Variants in VWC2 observed in about 807,000 individuals in gnomAD.
VWC2 encodes von Willebrand factor C domain containing 2.
VWC2 carries 14 observed loss-of-function variants against 29.8 expected under a neutral mutation model. The ratio of observed to expected loss-of-function variants is 0.47; its 90% CI spans 0.31 to 0.74. VWC2 has a LOEUF of 0.74. Among genes scored for constraint, VWC2 ranks in the 30% least tolerant of loss-of-function variants. The pLI, the probability that VWC2 is intolerant of heterozygous loss-of-function variation, is 0.05. For missense variants in VWC2, 457 were observed against 459.8 expected (o/e 0.99, Z 0.05); for synonymous variants, 213 against 199.0 (o/e 1.07, Z -0.59).
At chr7:49,907,453 A>C (rs1439122294) in intron 3 of VWC2, among the ~76,000 whole-genome samples, 1 of 152,192 alleles carries the variant, frequency 6.6e-6, no homozygotes, top group Non-Finnish European at 1.5e-5. Flanking sequence ...ATTACATAAC[A>C]GTAGGATAAA....
At chr7:49,797,879 T>C (rs1385132478) in intron 2 of VWC2, among the ~76,000 whole-genome samples, 1 of 152,202 alleles carries the variant, frequency 6.6e-6, no homozygotes. Flanking sequence ...ATTCTATCCA[T>C]GCAAAACTTG....
intron 3 of VWC2, among the ~76,000 whole-genome samples, chr7:49,821,664 G>GA (rs34206159): frequency 1.2e-3 from 167 of 138,344 alleles, no homozygotes; most frequent in African/African-American, 1.5e-3. Context: ...ATTCTTGGAT[G>GA]AAAAAAAAAA....
At chr7:49,774,469 G>A (rs529682117) in intron 1 of VWC2, among the ~76,000 whole-genome samples, 1 of 152,358 alleles carries the variant, frequency 6.6e-6, no homozygotes, top group South Asian at 2.1e-4. Flanking sequence ...CAGAAACTTT[G>A]GAATCCAGAA....
At position 49,914,480 on chromosome 7, in the gene VWC2, C is replaced by T. The variant is rs1449396135; in HGVS notation, c.*2295C>T. On this transcript the variant is annotated 3_prime_UTR_variant, in exon 4 of 4. Coordinates refer to ENST00000340652, the MANE Select transcript of VWC2 (RefSeq NM_198570.5). ...TAAAGCTCAATGGCTGTTATTACAC[C>T]AAAGTAACTCCCCTCCCCATCTCTG... 1 of 152,168 alleles carries T rather than the reference C, an allele frequency of 6.6e-6. No individual in the cohort carries two copies. The highest frequency in any genetic ancestry group is 6.5e-5 in the Admixed American group (1 of 15,278). The allele number at this position is 152,168 out of a possible 1,614,324, so 9.4% of individuals were successfully genotyped here. A position where few individuals can be genotyped will look rare whatever the true frequency, so the allele number is the denominator to read the frequency against.
At chr7:49,870,374 T>C (rs1380929607) in intron 3 of VWC2, among the ~76,000 whole-genome samples, 1 of 152,196 alleles carries the variant, frequency 6.6e-6, no homozygotes, top group Non-Finnish European at 1.5e-5. Flanking sequence ...CACTCCACCC[T>C]GGGTGACGCA....
rs139653846 is a variant in VWC2, at chr7:49,839,385, G to A, written c.826+36545G>A. Among the ~76,000 whole-genome samples, 349 of 152,244 alleles carry A rather than the reference G, an allele frequency of 2.3e-3. 2 individuals carry two copies. Among genetic ancestry groups the A allele is most frequent in the African/African-American group, 7.9e-3 (327 of 41,548 alleles). On this transcript the variant is annotated intron_variant, in intron 3 of 3. Transcript: ENST00000340652. ...GTGATGTCATTTAATTTATATGCTC[G>A]TTTAAAACATGCTCTAATGCCATCA... is the stretch of plus-strand genomic sequence containing the variant.
chr7:49,784,258 A>G (rs530605021), intron 2 of VWC2, among the ~76,000 whole-genome samples: 1 of 152,316 alleles, frequency 6.6e-6, no homozygotes, highest in South Asian at 2.1e-4. Context: ...CCATTACATA[A>G]TCTCTCATTA....
At chr7:49,861,148 A>T (rs1175622866) in intron 3 of VWC2, among the ~76,000 whole-genome samples, 1 of 152,148 alleles carries the variant, frequency 6.6e-6, no homozygotes, top group Non-Finnish European at 1.5e-5. Flanking sequence ...ATTTCTCCAC[A>T]TCCTCACCAA....
rs71839157 is a variant in VWC2, at chr7:49,782,872, GA to G, written c.696+6749del. ...CCATCTTAAAAAACAGAAAAGAAAA[GA>G]AAAAAAAGTGGATAGTATTCTGCAT... On this transcript the variant is annotated intron_variant, in intron 2 of 3. Coordinates refer to ENST00000340652, the MANE Select transcript of VWC2 (RefSeq NM_198570.5). Among the ~76,000 whole-genome samples the G allele has an allele frequency of 6.8e-3, 1,024 of 151,518 alleles. 11 individuals carry two copies. Among genetic ancestry groups the G allele is most frequent in the African/African-American group, 0.022 (922 of 41,342 alleles).
At chr7:49,797,382 C>CT (rs1432952899) in intron 2 of VWC2, among the ~76,000 whole-genome samples, 3 of 152,200 alleles carry the variant, frequency 2.0e-5, no homozygotes, top group Non-Finnish European at 4.4e-5. Flanking sequence ...CCTGGAATTA[C>CT]TCTCTAGCCT....
At chr7:49,797,293 C>A (rs1788614046) in intron 2 of VWC2, among the ~76,000 whole-genome samples, 1 of 152,268 alleles carries the variant, frequency 6.6e-6, no homozygotes, top group East Asian at 1.9e-4. Context: ...ATCTATGAAA[C>A]CATTACAATT....
At chr7:49,789,108 TTG>T (rs1301426726) in intron 2 of VWC2, among the ~76,000 whole-genome samples, 1 of 99,542 alleles carries the variant, frequency 1.0e-5, no homozygotes, top group Non-Finnish European at 2.0e-5. Flanking sequence ...GAGAGAGAGA[TTG>T]AGAGAGTGTA....
In VWC2 at chr7:49,795,704, G is replaced by A. The variant is rs183771088; in HGVS notation, c.697-7007G>A. ...TATTTCTGTTTTCATAATATGTTGT[G>A]TAAGTTTGTTTTAGATCTTGTGTCT... On this transcript the variant is annotated intron_variant, in intron 2 of 3. Transcript: ENST00000340652. 2.0e-5 allele frequency among the ~76,000 whole-genome samples: 3 copies of A among 152,312 alleles called. No individual in the cohort carries two copies. In the East Asian group the frequency reaches 5.8e-4, roughly 29 times the overall value.
chr7:49,818,380 T>C (rs886332696), intron 3 of VWC2, among the ~76,000 whole-genome samples: 3 of 152,160 alleles, frequency 2.0e-5, no homozygotes, highest in African/African-American at 7.2e-5. Context: ...AGAACAGTTG[T>C]TTTTTTCTCC....
At chr7:49,833,309 G>T (rs1289899361) in intron 3 of VWC2, among the ~76,000 whole-genome samples, 1 of 152,166 alleles carries the variant, frequency 6.6e-6, no homozygotes, top group Non-Finnish European at 1.5e-5. Flanking sequence ...TAGAGATTTG[G>T]AGTTTGGAAT....
intron 3 of VWC2, among the ~76,000 whole-genome samples, chr7:49,875,285 G>A (rs1255822853): frequency 5.3e-5 from 7 of 132,712 alleles, no homozygotes; most frequent in African/African-American, 1.4e-4. Context: ...CAGGAGAATC[G>A]CCTGAACCCA....
intron 3 of VWC2, among the ~76,000 whole-genome samples, chr7:49,817,388 A>G (rs949540428): frequency 1.3e-5 from 2 of 152,192 alleles, no homozygotes; most frequent in African/African-American, 4.8e-5. Context: ...TGCATCCAAA[A>G]CACTTACATG....
chr7:49,859,307 C>A (rs990167544), intron 3 of VWC2, among the ~76,000 whole-genome samples: 2 of 152,074 alleles, frequency 1.3e-5, no homozygotes, highest in African/African-American at 2.4e-5. Flanking sequence ...TTTAAGTTAT[C>A]TTTTATGTTT....
chr7:49,893,215 T>C lies in VWC2; in HGVS notation c.827-18819T>C, dbSNP rs146264038. On this transcript the variant is annotated intron_variant, in intron 3 of 3. Transcript: ENST00000340652. ...CATATGATAAATCAACTTGAAAGGA[T>C]TGGAACAGGGTAATCAAGGAGTTAT... is the stretch of plus-strand genomic sequence containing the variant. Among the ~76,000 whole-genome samples, 1,186 of 152,256 alleles carry C rather than the reference T, an allele frequency of 7.8e-3. 13 individuals are homozygous for C. Among genetic ancestry groups the C allele is most frequent in the African/African-American group, 0.027 (1,133 of 41,524 alleles).
Sources: gnomAD v4.1 joint callset for allele counts (sites outside exome capture counted in the v4.1 genomes callset) on GRCh38, gnomAD v4.1.1 for gene constraint, MANE v1.5 for transcripts, NCBI Gene and HGNC (gene_info 2026-07-23, HGNC 2026-07-21) for gene names.